Variants in MYH10 observed in about 807,000 individuals in gnomAD.
MYH10 encodes myosin heavy chain 10, also known as myosin-10.
In MYH10, 55 loss-of-function variants were observed where a neutral mutation model predicts 257.8. That is an observed-to-expected ratio of 0.21 (90% CI 0.17 to 0.27). The LOEUF (loss-of-function observed/expected upper bound fraction) is 0.27, where lower values mean the gene tolerates loss of function less well. MYH10 is among the 10% of genes least tolerant of loss of function. The probability of loss-of-function intolerance (pLI) is 1.00; values close to 1 mark genes in which losing one functional copy is unlikely to be tolerated. For synonymous variants in MYH10, 854 were observed against 921.7 expected, an observed-to-expected ratio of 0.93 and a Z score of 1.33; for missense variants, 1,631 against 2,500.6, an observed-to-expected ratio of 0.65 and a Z score of 7.42.
chr17:8,546,529 GAACAT>G lies in MYH10; in HGVS notation c.1278+10_1278+14del. The G allele has an allele frequency of 6.3e-7, 1 of 1,596,970 alleles. No individual in the cohort carries two copies. The highest frequency in any genetic ancestry group is 1.1e-5 in the South Asian group (1 of 90,170). ...ATTCAAACAAATCAGTAATAACAATGAACATGAAACCTACCTGTTCTTTGGTCTGG... is the reference window on the plus strand; with the variant it reads ...ATTCAAACAAATCAGTAATAACAATGGAAACCTACCTGTTCTTTGGTCTGG... On this transcript the variant is annotated intron_variant, in intron 12 of 42. Coordinates refer to ENST00000360416, the MANE Select transcript of MYH10 (RefSeq NM_001256012.3).
intron 1 of MYH10, among the ~76,000 whole-genome samples, chr17:8,629,401 G>C (rs549270805): frequency 7.0e-6 from 1 of 142,986 alleles, no homozygotes; most frequent in East Asian, 2.2e-4. Context: ...AGCTGCAGAG[G>C]CCCTAAAGAA....
chr17:8,527,741 G>T (rs1019979369), intron 17 of MYH10, among the ~76,000 whole-genome samples: 2 of 152,190 alleles, frequency 1.3e-5, no homozygotes. Context: ...GATACTCACA[G>T]TAACCCTGAG....
At chr17:8,538,138 G>A (rs1457093841) in intron 14 of MYH10, among the ~76,000 whole-genome samples, 1 of 152,238 alleles carries the variant, frequency 6.6e-6, no homozygotes, top group African/African-American at 2.4e-5. Context: ...TCATTCCACA[G>A]GCTGTCGTTA....
intron 26 of MYH10, among the ~76,000 whole-genome samples, chr17:8,507,305 C>T (rs780620093): frequency 7.2e-5 from 11 of 152,246 alleles, no homozygotes; most frequent in South Asian, 2.1e-4. Context: ...CCAACCCCAT[C>T]GTCTTCCTAT....
Position 8,475,727 on chromosome 17 carries a change from A to G in MYH10, c.*77T>C. 2 of 1,530,318 alleles carry G rather than the reference A, an allele frequency of 1.3e-6. No homozygotes were observed. Among genetic ancestry groups the G allele is most frequent in the Non-Finnish European group, 1.8e-6 (2 of 1,127,836 alleles). 94.8% of individuals were successfully genotyped at this position (1,530,318 alleles called of 1,614,324 possible). A position where few individuals can be genotyped will look rare whatever the true frequency, so the allele number is the denominator to read the frequency against. ...CAGGAAGGAATCCCGTAGCTTGCCAATTTCCGAAATCTGCAGGAGGCCCCG... is the reference window on the plus strand; with the variant it reads ...CAGGAAGGAATCCCGTAGCTTGCCAGTTTCCGAAATCTGCAGGAGGCCCCG... On this transcript the variant is annotated 3_prime_UTR_variant, in exon 43 of 43. Coordinates refer to ENST00000360416, the MANE Select transcript of MYH10 (RefSeq NM_001256012.3).
chr17:8,523,515 G>C (rs796993240), intron 17 of MYH10, among the ~76,000 whole-genome samples: 25 of 152,258 alleles, frequency 1.6e-4, no homozygotes, highest in African/African-American at 6.0e-4. Flanking sequence ...CACTCCAGTC[G>C]GTGCAATCAG....
At chr17:8,541,960 T>A in intron 14 of MYH10, 147 bp downstream of exon 14, 1 of 747,398 alleles carries the variant, frequency 1.3e-6, no homozygotes, top group Non-Finnish European at 2.0e-6. Flanking sequence ...TGTAGCTATT[T>A]TATCAGAGTA....
At chr17:8,539,186 T>A (rs12945028) in intron 14 of MYH10, among the ~76,000 whole-genome samples, 64,045 of 151,968 alleles carry the variant, frequency 0.42, 13,442 homozygotes, top group East Asian at 0.5. Context: ...AGAAATCAAT[T>A]TCTTTTCTTT....
rs1267517437 is a variant in MYH10 at position 8,480,534 on chromosome 17, G to C, written c.5265-9C>G. 1.9e-6 allele frequency: 3 copies of C among 1,604,712 alleles called. No individual in the cohort carries two copies. Among genetic ancestry groups the C allele is most frequent in the South Asian group, 1.1e-5 (1 of 91,000 alleles). On this transcript the variant is annotated splice_polypyrimidine_tract_variant and intron_variant, in intron 38 of 42. Transcript: ENST00000360416. ...CATCCAGCAGCGCGGACCTGGCGGG[G>C]AGAGGAGGAGGGGACGGTTCAATCC...
rs1567759167 is a variant in MYH10 at position 8,476,984 on chromosome 17, GCTT to G, written c.5768_5770del (p.Glu1923del). On this transcript the variant is annotated inframe_deletion, in exon 42 of 43. Coordinates refer to ENST00000360416, the MANE Select transcript of MYH10 (RefSeq NM_001256012.3). ...ACGCCGAGATGCGTTGGCACGCGTC[GCTT>G]CTTCTTCTGCTTCCTCCAGCTGGCG... is the stretch of plus-strand genomic sequence containing the variant. The G allele has an allele frequency of 2.5e-6, 4 of 1,614,046 alleles. No homozygotes were observed. The highest frequency in any genetic ancestry group is 3.4e-6 in the Non-Finnish European group (4 of 1,180,008).
At position 8,535,554 on chromosome 17, in the gene MYH10, CA is replaced by C. The variant is rs2082119138; in HGVS notation, c.1780-54del. The C allele has an allele frequency of 6.8e-7, 1 of 1,466,500 alleles. No individual in the cohort carries two copies. Among genetic ancestry groups the C allele is most frequent in the African/African-American group, 1.4e-5 (1 of 70,650 alleles). The allele number at this position is 1,466,500 out of a possible 1,614,324, so 90.8% of individuals were successfully genotyped here. A position where few individuals can be genotyped will look rare whatever the true frequency, so the allele number is the denominator to read the frequency against. On this transcript the variant is annotated intron_variant, in intron 15 of 42. Transcript: ENST00000360416. The surrounding 1 kb of genome is among the most constrained non-coding windows in gnomAD (Gnocchi z 4.3). ...GAAATGGAGAACACAAAACCAAATG[CA>C]AAAACAAAAACACTTTAAGCCTCAA...
chr17:8,489,484 A>C (rs1054794609), intron 35 of MYH10, among the ~76,000 whole-genome samples: 3 of 152,178 alleles, frequency 2.0e-5, no homozygotes, highest in Non-Finnish European at 4.4e-5. Flanking sequence ...CGGGCAGATC[A>C]CCTGAGTCCA....
chr17:8,495,269 C>T lies in MYH10; in HGVS notation c.3952-28G>A, dbSNP rs762892192. ...GTAAGGAGCAGAAGATTAAATTCAACTCAATAGTAAGCAAGCAGAAAGGGT... is the reference window on the plus strand; with the variant it reads ...GTAAGGAGCAGAAGATTAAATTCAATTCAATAGTAAGCAAGCAGAAAGGGT... On this transcript the variant is annotated intron_variant, in intron 30 of 42. Transcript: ENST00000360416. 1.0e-5 allele frequency: 14 copies of T among 1,397,196 alleles called. No individual in the cohort carries two copies. The South Asian group carries it at 1.3e-4, about 13-fold the overall frequency. The allele number at this position is 1,397,196 out of a possible 1,614,324, so 86.5% of individuals were successfully genotyped here. A position where few individuals can be genotyped will look rare whatever the true frequency, so the allele number is the denominator to read the frequency against.
chr17:8,552,122 A>T lies in MYH10; in HGVS notation c.843T>A (p.Ala281=). ...TACGTTCATCTTTTGCTTGACGAAC[A>T]GCACGAGACTTTTCCAGAAGGTCTG... The part of the protein sequence containing the change: ...IETYLLEKSR[A]VRQAKDERTF... The change falls in exon 9 of 43, where the codon GCT becomes GCA. Residue 281 remains alanine, a synonymous_variant. Coordinates refer to ENST00000360416, the MANE Select transcript of MYH10 (RefSeq NM_001256012.3). The surrounding 1 kb of genome is among the most constrained non-coding windows in gnomAD (Gnocchi z 4.8). 3 of 1,559,130 alleles carry T rather than the reference A, an allele frequency of 1.9e-6. No homozygotes were observed. Among genetic ancestry groups the T allele is most frequent in the Non-Finnish European group, 2.6e-6 (3 of 1,148,252 alleles).
In MYH10 at chr17:8,477,195, G is replaced by C; in HGVS notation, c.5707-147C>G. ...GATGTACACGCGTGCCTGGGGGCTG[G>C]TCGGAGGCTCTGTAACCGGCCTGCC... On this transcript the variant is annotated intron_variant, in intron 41 of 42. Coordinates refer to ENST00000360416, the MANE Select transcript of MYH10 (RefSeq NM_001256012.3). The surrounding 1 kb of genome is among the most constrained non-coding windows in gnomAD (Gnocchi z 4.2). 1 of 832,012 alleles carries C rather than the reference G, an allele frequency of 1.2e-6. No homozygotes were observed. Among genetic ancestry groups the C allele is most frequent in the Non-Finnish European group, 1.8e-6 (1 of 551,564 alleles). The allele number at this position is 832,012 out of a possible 1,614,324, so 51.5% of individuals were successfully genotyped here.
At chr17:8,615,003 T>A (rs910139311) in intron 2 of MYH10, among the ~76,000 whole-genome samples, 7 of 152,180 alleles carry the variant, frequency 4.6e-5, no homozygotes, top group African/African-American at 1.4e-4. Flanking sequence ...ATTATCAAAA[T>A]TGACACAAGG....
chr17:8,584,020 T>C (rs1415256299), intron 4 of MYH10, among the ~76,000 whole-genome samples: 1 of 152,154 alleles, frequency 6.6e-6, no homozygotes, highest in Non-Finnish European at 1.5e-5. Flanking sequence ...AAAATCAACA[T>C]GAGGATTACA....
chr17:8,589,681 T>C (rs1048394994), intron 3 of MYH10, among the ~76,000 whole-genome samples: 2 of 152,144 alleles, frequency 1.3e-5, no homozygotes, highest in African/African-American at 4.8e-5. Flanking sequence ...TAAACATCTA[T>C]AAATATAGTC....
intron 4 of MYH10, among the ~76,000 whole-genome samples, chr17:8,580,968 G>C (rs1231765251): frequency 6.6e-6 from 1 of 152,170 alleles, no homozygotes; most frequent in Non-Finnish European, 1.5e-5. Flanking sequence ...TCAGGGGAAA[G>C]GCTCTTGAAA....
Sources: allele counts gnomAD v4.1 joint callset (sites outside exome capture counted in the v4.1 genomes callset), GRCh38; gene constraint gnomAD v4.1.1; non-coding constraint Gnocchi (gnomAD v3.1); transcripts MANE v1.5; gene names NCBI Gene and HGNC (gene_info 2026-07-23, HGNC 2026-07-21).